Variants in HEATR4 observed in about 807,000 individuals in gnomAD.
The protein encoded by HEATR4 is HEAT repeat containing 4, also known as HEAT repeat-containing protein 4.
In HEATR4, 95 loss-of-function variants were observed where a neutral mutation model predicts 108.8. That is an observed-to-expected ratio of 0.87 (90% CI 0.74 to 1.04). The LOEUF (loss-of-function observed/expected upper bound fraction) is 1.04. Ranked by LOEUF, HEATR4 falls within the 50% of genes least tolerant of loss-of-function variation. The pLI is 0.00. For missense variants in HEATR4, 1,152 were observed against 1,253.8 expected (o/e 0.92, Z 1.23); for synonymous variants, 443 against 459.4 (o/e 0.96, Z 0.46).
the HEATR4 span, chr14:73,633,807 T>C: frequency 0.016 from 2,376 of 152,434 alleles, 69 homozygotes; most frequent in African/African-American, 0.054. Context: ...AGCCCGTTGC[T>C]AAGTGGCGCC....
At chr14:73,590,374 T>G in the HEATR4 span, among the ~76,000 whole-genome samples, 3 of 152,350 alleles carry the variant, frequency 2.0e-5, no homozygotes, top group African/African-American at 7.2e-5. Flanking sequence ...GACATAAAGA[T>G]TCTCCAAGTC....
chr14:73,563,152 A>G (rs2336135), upstream of HEATR4, among the ~76,000 whole-genome samples: 84,819 of 151,428 alleles, frequency 0.56, 24,772 homozygotes, highest in East Asian at 0.94. Context: ...TGTCACCCCC[A>G]GCGGCCCAGG....
Position 73,556,628 on chromosome 14 carries a change from T to C in HEATR4, c.-152+2123A>G, listed in dbSNP as rs1467489250. On this transcript the variant is annotated intron_variant, in intron 1 of 17. Transcript: ENST00000553558. ...GTCACGGGACAGGTGTAAGGCCAAA[T>C]TGTGCACTTCCCAGTCATGTTACCT... Among the ~76,000 whole-genome samples, 2 of 113,614 alleles carry C rather than the reference T, an allele frequency of 1.8e-5. 1 individual carries two copies. Among genetic ancestry groups the C allele is most frequent in the East Asian group, 1.4e-3 (2 of 1,438 alleles). The allele number at this position is 113,614 out of a possible 152,430, so 74.5% of individuals were successfully genotyped here. A position where few individuals can be genotyped will look rare whatever the true frequency, so the allele number is the denominator to read the frequency against.
Position 73,522,755 on chromosome 14 carries a change from G to A in HEATR4, c.398C>T (p.Ser133Phe). Residue 133 changes from serine (S) to phenylalanine (F), a missense_variant, in exon 3 of 18, where the codon TCC becomes TTC. Coordinates refer to ENST00000553558, the MANE Select transcript of HEATR4 (RefSeq NM_001220484.1). ...AGAGCTTTCTGTCTTCACAGCCAGGGAGGTGTCTCCTGTTAAGGGACTTGA... is the reference window on the plus strand; with the variant it reads ...AGAGCTTTCTGTCTTCACAGCCAGGAAGGTGTCTCCTGTTAAGGGACTTGA... The part of the protein sequence containing the change: ...GSSSPLTGDT[S>F]LAVKTESSAN... The A allele has an allele frequency of 6.2e-7, 1 of 1,614,236 alleles. No individual in the cohort carries two copies. Among genetic ancestry groups the A allele is most frequent in the Non-Finnish European group, 8.5e-7 (1 of 1,180,042 alleles).
At chr14:73,616,078 C>T in the HEATR4 span, among the ~76,000 whole-genome samples, 2 of 151,740 alleles carry the variant, frequency 1.3e-5, no homozygotes, top group South Asian at 2.1e-4. Context: ...ATGATCCTCC[C>T]GCCTCTTCCT....
the HEATR4 span, among the ~76,000 whole-genome samples, chr14:73,588,688 CAGAA>C: frequency 3.9e-5 from 6 of 152,138 alleles, no homozygotes; most frequent in African/African-American, 1.2e-4. Context: ...GCAGAGAAGA[CAGAA>C]AGAAGAGGTT....
At chr14:73,518,183 A>T (rs905712451) in intron 5 of HEATR4, among the ~76,000 whole-genome samples, 1 of 152,166 alleles carries the variant, frequency 6.6e-6, no homozygotes, top group Non-Finnish European at 1.5e-5. Context: ...GCCTCCAAGG[A>T]TAGACTGAGC....
chr14:73,561,067 T>C (rs992600517), upstream of HEATR4, among the ~76,000 whole-genome samples: 25 of 151,942 alleles, frequency 1.6e-4, no homozygotes, highest in African/African-American at 6.0e-4. Flanking sequence ...TATTCAGCCT[T>C]AAAAAGGAAT....
At chr14:73,488,718 G>A (rs1335883667) in intron 17 of HEATR4, among the ~76,000 whole-genome samples, 1 of 150,186 alleles carries the variant, frequency 6.7e-6, no homozygotes, top group Non-Finnish European at 1.5e-5. Flanking sequence ...GGCTAATACA[G>A]GAGCAATTAA....
chr14:73,538,440 C>A (rs549029197), intron 1 of HEATR4, among the ~76,000 whole-genome samples: 1 of 112,214 alleles, frequency 8.9e-6, no homozygotes, highest in South Asian at 2.8e-4. Flanking sequence ...GGTGAAAACT[C>A]GTCTCTACTA....
the HEATR4 span, chr14:73,612,755 C>T: frequency 2.2e-6 from 3 of 1,373,160 alleles, no homozygotes; most frequent in Non-Finnish European, 2.8e-6. Flanking sequence ...CGAGCTGGAC[C>T]TGGAGCGCGC....
At chr14:73,584,964 C>T in the HEATR4 span, among the ~76,000 whole-genome samples, 222 of 152,050 alleles carry the variant, frequency 1.5e-3, 2 homozygotes, top group Middle Eastern at 3.4e-3. Flanking sequence ...CCAGATAACC[C>T]GCTGCTCCAG....
At chr14:73,517,914 C>T (rs372215591) in intron 5 of HEATR4, among the ~76,000 whole-genome samples, 13 of 151,880 alleles carry the variant, frequency 8.6e-5, no homozygotes, top group Admixed American at 2.0e-4. Context: ...TGGTGAACCC[C>T]GTCTCTACTA....
Position 73,495,394 on chromosome 14 carries a change from T to C in HEATR4, c.2626-7A>G. 1.2e-6 allele frequency: 2 copies of C among 1,609,472 alleles called. No individual in the cohort carries two copies. The highest frequency in any genetic ancestry group is 1.7e-6 in the Non-Finnish European group (2 of 1,177,242). ...TTTGGCTTAGTGTTTTAATCTAAAT[T>C]AGAACAAATAATGTTTGAAAAACAA... On this transcript the variant is annotated splice_region_variant and splice_polypyrimidine_tract_variant and intron_variant, in intron 15 of 17. Transcript: ENST00000553558.
At chr14:73,591,712 G>A in the HEATR4 span, 1 of 397,152 alleles carries the variant, frequency 2.5e-6, no homozygotes, top group Non-Finnish European at 4.4e-6. Flanking sequence ...TGGGTTGGGC[G>A]CCACACCTTG....
intron 17 of HEATR4, among the ~76,000 whole-genome samples, chr14:73,479,444 T>TTC (rs1566814217): frequency 1.6e-3 from 240 of 145,848 alleles, no homozygotes; most frequent in African/African-American, 5.7e-3. Context: ...TCTTTCTTTT[T>TTC]TTTTTTTTTT....
At chr14:73,623,687 G>A in the HEATR4 span, among the ~76,000 whole-genome samples, 5 of 152,076 alleles carry the variant, frequency 3.3e-5, no homozygotes, top group African/African-American at 1.2e-4. Context: ...AAAAAATAAA[G>A]AGAAATTTGC....
chr14:73,523,100 G>C lies in HEATR4; in HGVS notation c.53C>G (p.Ser18Ter). The change falls in exon 3 of 18, where the codon TCA becomes TGA. Residue 18 changes from serine (S) to a stop codon, truncating the protein, a stop_gained. Coordinates refer to ENST00000553558, the MANE Select transcript of HEATR4 (RefSeq NM_001220484.1). LOFTEE classifies it high-confidence loss of function. The part of the protein sequence containing the change: ...KTFLPHCFYQ[S>*]LPPRLGWGMI... ...GCCCCATCCCAGTCGTGGGGGCAGT[G>C]ACTGATAGAAGCAATGGGGGAGAAA... 6.2e-7 allele frequency: 1 copy of C among 1,610,636 alleles called. No homozygotes were observed. Among genetic ancestry groups the C allele is most frequent in the Non-Finnish European group, 8.5e-7 (1 of 1,179,972 alleles).
the HEATR4 span, among the ~76,000 whole-genome samples, chr14:73,572,631 G>C: frequency 1.1e-5 from 1 of 89,024 alleles, no homozygotes. Flanking sequence ...TGCCTGTAAG[G>C]TGTTTGCATT....
Sources: gnomAD v4.1 joint callset for allele counts (sites outside exome capture counted in the v4.1 genomes callset) on GRCh38, gnomAD v4.1.1 for gene constraint, MANE v1.5 for transcripts, NCBI Gene and HGNC (gene_info 2026-07-23, HGNC 2026-07-21) for gene names.